Variants in FAM20A observed in about 807,000 individuals in gnomAD.
The protein encoded by FAM20A is pseudokinase FAM20A.
A neutral mutation model predicts 52.0 loss-of-function variants in FAM20A; 42 were observed. The observed-to-expected ratio is 0.81, with a 90% CI of 0.63 to 1.04. The LOEUF is 1.04. Among genes scored for constraint, FAM20A ranks in the 50% least tolerant of loss-of-function variants. FAM20A has a pLI of 0.00. For synonymous variants in FAM20A, 304 were observed against 298.9 expected, an observed-to-expected ratio of 1.02 and a Z score of -0.18; for missense variants, 742 against 712.7, an observed-to-expected ratio of 1.04 and a Z score of -0.47.
At chr17:68,560,968 G>A (rs903055489) in intron 1 of FAM20A, among the ~76,000 whole-genome samples, 4 of 152,146 alleles carry the variant, frequency 2.6e-5, no homozygotes, top group African/African-American at 9.7e-5. Flanking sequence ...AGAGTCATTT[G>A]CATTACATTT....
intron 1 of FAM20A, chr17:68,558,369 A>AT (rs1568747622): frequency 4.5e-6 from 2 of 443,086 alleles, no homozygotes; most frequent in Non-Finnish European, 9.0e-6. Flanking sequence ...TCCAAATCTC[A>AT]TGTTGAAATG....
At chr17:68,551,170 A>T (rs2086817898) in intron 4 of FAM20A, 2 of 1,219,550 alleles carry the variant, frequency 1.6e-6, no homozygotes, top group East Asian at 3.2e-5. Context: ...TGGGCTGCAG[A>T]TCCTTTGGGG....
intron 8 of FAM20A, chr17:68,540,602 C>T: frequency 1.7e-6 from 1 of 599,102 alleles, no homozygotes; most frequent in Non-Finnish European, 3.1e-6. Context: ...GACGCCCACT[C>T]AGGCCCGTGG....
At chr17:68,577,147 G>A (rs2087794930) in intron 1 of FAM20A, among the ~76,000 whole-genome samples, 1 of 152,222 alleles carries the variant, frequency 6.6e-6, no homozygotes, top group Non-Finnish European at 1.5e-5. Context: ...ACCACTCTGA[G>A]GGGAGTGACC....
chr17:68,584,294 G>A (rs1439462387), intron 1 of FAM20A, among the ~76,000 whole-genome samples: 2 of 152,002 alleles, frequency 1.3e-5, no homozygotes, highest in Non-Finnish European at 1.5e-5. Flanking sequence ...TCCAGCCTGG[G>A]TGGCAGAGTG....
chr17:68,544,970 G>A (rs1018121944), intron 4 of FAM20A, among the ~76,000 whole-genome samples: 3 of 152,072 alleles, frequency 2.0e-5, no homozygotes, highest in African/African-American at 4.8e-5. Context: ...ACTAATGCAC[G>A]TCTCATTGCA....
chr17:68,552,058 T>A, intron 3 of FAM20A, 107 bp from the exon 4 acceptor site: 1 of 733,600 alleles, frequency 1.4e-6, no homozygotes, highest in Non-Finnish European at 2.4e-6. Context: ...TCTTATGTAA[T>A]GAGACCCTAA....
chr17:68,584,346 A>G, intron 1 of FAM20A, among the ~76,000 whole-genome samples: 1 of 38,974 alleles, frequency 2.6e-5, no homozygotes. Context: ...ACAAAACAAA[A>G]CAAAAAAAAA....
At chr17:68,549,900 T>C (rs1600558938) in intron 4 of FAM20A, among the ~76,000 whole-genome samples, 1 of 152,368 alleles carries the variant, frequency 6.6e-6, no homozygotes, top group East Asian at 1.9e-4. Context: ...GTACCCTATA[T>C]GTCTGAATAC....
At chr17:68,583,768 T>A (rs1191254344) in intron 1 of FAM20A, among the ~76,000 whole-genome samples, 1 of 151,896 alleles carries the variant, frequency 6.6e-6, no homozygotes, top group African/African-American at 2.4e-5. Flanking sequence ...CCGGGCGTGG[T>A]GGTGCGTGCC....
rs932702227 is a variant in FAM20A at position 68,537,854 on chromosome 17, G to T, written c.1362-113C>A. 2 of 1,214,894 alleles carry T rather than the reference G, an allele frequency of 1.6e-6. No individual in the cohort carries two copies. Among genetic ancestry groups the T allele is most frequent in the Non-Finnish European group, 2.3e-6 (2 of 853,212 alleles). The allele number at this position is 1,214,894 out of a possible 1,614,324, so 75.3% of individuals were successfully genotyped here. A position where few individuals can be genotyped will look rare whatever the true frequency, so the allele number is the denominator to read the frequency against. ...GCTGATACTCTTGGCGCCTCTCCTTGTGTCTTCTCAGGCACATTTTAATGG... is the reference window on the plus strand; with the variant it reads ...GCTGATACTCTTGGCGCCTCTCCTTTTGTCTTCTCAGGCACATTTTAATGG... On this transcript the variant is annotated intron_variant, in intron 10 of 10. Coordinates refer to ENST00000592554, the MANE Select transcript of FAM20A (RefSeq NM_017565.4). This position sits in a 1 kb window ranked among gnomAD's most constrained non-coding sequence, Gnocchi z 4.2.
chr17:68,579,982 T>C (rs1334749835), intron 1 of FAM20A, among the ~76,000 whole-genome samples: 1 of 149,712 alleles, frequency 6.7e-6, no homozygotes, highest in Admixed American at 6.6e-5. Flanking sequence ...ATAGGATGTG[T>C]CTTTTGATTT....
intron 1 of FAM20A, among the ~76,000 whole-genome samples, chr17:68,569,593 A>T (rs1598047879): frequency 2.0e-5 from 3 of 152,246 alleles, no homozygotes; most frequent in Non-Finnish European, 4.4e-5. Context: ...AATTAAAGTC[A>T]CACCAGCCAC....
At chr17:68,577,226 T>C (rs1299778131) in intron 1 of FAM20A, among the ~76,000 whole-genome samples, 3 of 152,208 alleles carry the variant, frequency 2.0e-5, no homozygotes, top group East Asian at 1.9e-4. Context: ...GGACATCTCT[T>C]AAACCATTTC....
In FAM20A at chr17:68,575,791, T is replaced by TACACACACACACACACACACACAC. The variant is rs761949775; in HGVS notation, c.405-20072_405-20049dup. Among the ~76,000 whole-genome samples the TACACACACACACACACACACACAC allele has an allele frequency of 2.1e-3, 217 of 104,206 alleles. 4 individuals carry two copies. Among genetic ancestry groups the TACACACACACACACACACACACAC allele is most frequent in the East Asian group, 9.3e-3 (33 of 3,532 alleles). 68.4% of individuals were successfully genotyped at this position (104,206 alleles called of 152,430 possible). ...TTTATATATTGTATATTTTATATTA[T>TACACACACACACACACACACACAC]ACACACACACACACACACACACACA... On this transcript the variant is annotated intron_variant, in intron 1 of 10. Transcript: ENST00000592554.
intron 4 of FAM20A, among the ~76,000 whole-genome samples, chr17:68,551,582 G>C (rs1253364254): frequency 6.6e-6 from 1 of 151,972 alleles, no homozygotes; most frequent in African/African-American, 2.4e-5. Context: ...GACATTGTAA[G>C]AGTATCTGGC....
intron 7 of FAM20A, 88 bp from the exon 8 acceptor site, chr17:68,541,046 C>T (rs2086267407): frequency 6.5e-7 from 1 of 1,534,006 alleles, no homozygotes; most frequent in South Asian, 1.2e-5. Flanking sequence ...CCCCCCCAAT[C>T]CCTGCCTCCC....
At chr17:68,541,917 C>T in intron 7 of FAM20A, 68 bp downstream of exon 7, 1 of 1,529,518 alleles carries the variant, frequency 6.5e-7, no homozygotes. Flanking sequence ...AAGCTAGCAA[C>T]AAGTCCCTGG....
At chr17:68,586,343 G>A (rs955241183) in intron 1 of FAM20A, among the ~76,000 whole-genome samples, 3 of 152,058 alleles carry the variant, frequency 2.0e-5, no homozygotes, top group Non-Finnish European at 4.4e-5. Flanking sequence ...CTTTGTATTT[G>A]TCATGGAACA....
Sources: allele counts gnomAD v4.1 joint callset (sites outside exome capture counted in the v4.1 genomes callset), GRCh38; gene constraint gnomAD v4.1.1; non-coding constraint Gnocchi (gnomAD v3.1); transcripts MANE v1.5; gene names NCBI Gene and HGNC (gene_info 2026-07-23, HGNC 2026-07-21).